The following FAM20C variants were observed in gnomAD, a reference collection of about 807,000 sequenced individuals.
The protein encoded by FAM20C is extracellular serine/threonine protein kinase FAM20C.
Under a neutral mutation model 51.5 loss-of-function variants are expected in FAM20C, and 40 were observed. The observed-to-expected ratio is 0.78, with a 90% CI of 0.60 to 1.01. The LOEUF is 1.01. Among genes scored for constraint, FAM20C ranks in the 50% least tolerant of loss-of-function variants. The pLI is 0.00. For missense variants in FAM20C, 861 were observed against 844.7 expected, an observed-to-expected ratio of 1.02 and a Z score of -0.24; for synonymous variants, 406 against 380.6, an observed-to-expected ratio of 1.07 and a Z score of -0.78.
chr7:214,834 G>C (rs1213837160), intron 3 of FAM20C, among the ~76,000 whole-genome samples: 1 of 152,204 alleles, frequency 6.6e-6, no homozygotes, highest in Non-Finnish European at 1.5e-5. Context: ...GTCTTGGAAA[G>C]AAGCTTCCAG....
In FAM20C at chr7:257,981, A is replaced by G. The variant is rs1183264494; in HGVS notation, c.1446-665A>G. Reference sequence around the variant, plus strand: ...ACTGCCTGAGGTGCTGGAGATAGGCAGTGTGGACCCACTGCCTGGGGTGCT... The same window carrying G: ...ACTGCCTGAGGTGCTGGAGATAGGCGGTGTGGACCCACTGCCTGGGGTGCT... On this transcript the variant is annotated intron_variant, in intron 8 of 9. Coordinates refer to ENST00000313766, the MANE Select transcript of FAM20C (RefSeq NM_020223.4). Among the ~76,000 whole-genome samples the G allele has an allele frequency of 1.0e-3, 60 of 59,102 alleles. 6 individuals carry two copies. The highest frequency in any genetic ancestry group is 2.8e-3 in the East Asian group (6 of 2,132). The allele number at this position is 59,102 out of a possible 152,430, so 38.8% of individuals were successfully genotyped here.
Position 255,830 on chromosome 7 carries a change from G to T in FAM20C, c.1073-19G>T. 6.5e-7 allele frequency: 1 copy of T among 1,536,086 alleles called. No individual in the cohort carries two copies. The highest frequency in any genetic ancestry group is 1.2e-5 in the South Asian group (1 of 84,058). On this transcript the variant is annotated intron_variant, in intron 5 of 9. Transcript: ENST00000313766. ...CAGCCCTGTGCGGCCCTGGTAACCCGCAGCCTGTCCCTCCCCAGCCAACAA... is the reference window on the plus strand; with the variant it reads ...CAGCCCTGTGCGGCCCTGGTAACCCTCAGCCTGTCCCTCCCCAGCCAACAA...
intron 3 of FAM20C, among the ~76,000 whole-genome samples, chr7:223,972 G>A (rs971167470): frequency 4.6e-5 from 7 of 152,214 alleles, no homozygotes; most frequent in Non-Finnish European, 7.4e-5. Flanking sequence ...CCCCAGGACC[G>A]TCCTGTGTCT....
chr7:256,352 G>A (rs1046542698), intron 6 of FAM20C: 17 of 566,650 alleles, frequency 3.0e-5, no homozygotes, highest in African/African-American at 5.6e-5. Context: ...TGTTCTTTCC[G>A]CCCCACGTTG....
intron 5 of FAM20C, among the ~76,000 whole-genome samples, chr7:249,282 G>A (rs1788302662): frequency 6.6e-6 from 1 of 152,246 alleles, no homozygotes; most frequent in South Asian, 2.1e-4. Context: ...CAGGCCCCTG[G>A]TCCCTGGTGC....
intron 3 of FAM20C, among the ~76,000 whole-genome samples, chr7:226,462 G>C (rs898529553): frequency 2.6e-5 from 4 of 152,300 alleles, no homozygotes; most frequent in African/African-American, 4.8e-5. Flanking sequence ...AGCCAAGGAC[G>C]AGGGCCCAAG....
At chr7:256,221 T>G (rs1788585023) in intron 6 of FAM20C, 192 bp downstream of exon 6, 1 of 745,564 alleles carries the variant, frequency 1.3e-6, no homozygotes, top group Non-Finnish European at 2.1e-6. Context: ...CTCCAGTATT[T>G]CCATGTGCTT....
intron 3 of FAM20C, chr7:227,786 G>A (rs966548138): frequency 1.3e-5 from 2 of 152,280 alleles, no homozygotes; most frequent in African/African-American, 4.8e-5. Context: ...TTCCCCGTTT[G>A]CTTTTGAAAT....
chr7:256,039 G>A lies in FAM20C; in HGVS notation c.1253+10G>A. ...AGCGCAAGAAGGCCGAGTGAGTGCG[G>A]GGCCGGGGGGCTGGCGTCCGGCCAC... On this transcript the variant is annotated intron_variant, in intron 6 of 9. Transcript: ENST00000313766. 6.5e-7 allele frequency: 1 copy of A among 1,532,642 alleles called. No individual in the cohort carries two copies. Among genetic ancestry groups the A allele is most frequent in the Non-Finnish European group, 8.7e-7 (1 of 1,145,066 alleles). The allele number at this position is 1,532,642 out of a possible 1,614,324, so 94.9% of individuals were successfully genotyped here.
At chr7:202,631 G>A (rs1224397709) in intron 2 of FAM20C, among the ~76,000 whole-genome samples, 1 of 147,266 alleles carries the variant, frequency 6.8e-6, no homozygotes, top group African/African-American at 2.5e-5. Flanking sequence ...TGCATAGAGA[G>A]AATGGGTGGC....
intron 2 of FAM20C, chr7:197,218 C>T (rs1195458892): frequency 6.0e-6 from 1 of 167,014 alleles, no homozygotes; most frequent in African/African-American, 2.4e-5. Flanking sequence ...AGATCTGCTG[C>T]CTCTGTGGAC....
chr7:241,754 T>C (rs993202091), intron 3 of FAM20C, among the ~76,000 whole-genome samples: 13 of 152,044 alleles, frequency 8.6e-5, no homozygotes, highest in Non-Finnish European at 1.9e-4. Context: ...TTTCTGAGTG[T>C]GCAGGTGGGT....
chr7:255,803 C>T lies in FAM20C; in HGVS notation c.1073-46C>T, dbSNP rs146970461. 8.2e-3 allele frequency: 12,596 copies of T among 1,533,594 alleles called. 526 individuals carry two copies. In the African/African-American group the frequency reaches 0.11, roughly 13 times the overall value. The allele number at this position is 1,533,594 out of a possible 1,614,324, so 95.0% of individuals were successfully genotyped here. On this transcript the variant is annotated intron_variant, in intron 5 of 9. Coordinates refer to ENST00000313766, the MANE Select transcript of FAM20C (RefSeq NM_020223.4). Reference sequence around the variant, plus strand: ...GGGGCCGTGAGACCACAGGTGAGGACGCAGCCCTGTGCGGCCCTGGTAACC... The same window carrying T: ...GGGGCCGTGAGACCACAGGTGAGGATGCAGCCCTGTGCGGCCCTGGTAACC...
chr7:256,018 C>CA lies in FAM20C; in HGVS notation c.1244dup (p.Lys416GlufsTer9), dbSNP rs1482646705. 8 of 1,535,690 alleles carry CA rather than the reference C, an allele frequency of 5.2e-6. No individual in the cohort carries two copies. The highest frequency in any genetic ancestry group is 2.0e-5 in the Admixed American group (1 of 50,946). ...CTTGGCGGCGTTCCTACCACAAGCG[C>CA]AAGAAGGCCGAGTGAGTGCGGGGCC... is the stretch of plus-strand genomic sequence containing the variant. On this transcript the variant is annotated frameshift_variant, in exon 6 of 10. Transcript: ENST00000313766. LOFTEE classifies it high-confidence loss of function.
intron 2 of FAM20C, among the ~76,000 whole-genome samples, chr7:201,215 AG>A (rs1214429234): frequency 2.0e-5 from 3 of 152,172 alleles, no homozygotes. Flanking sequence ...TGTGAAGAGC[AG>A]GGGGACCGCC....
At chr7:252,564 C>G (rs1482564159) in intron 5 of FAM20C, among the ~76,000 whole-genome samples, 1 of 152,204 alleles carries the variant, frequency 6.6e-6, no homozygotes, top group Non-Finnish European at 1.5e-5. Context: ...ACTGCAGACA[C>G]CCCCTCGGCC....
At chr7:232,713 C>G (rs1787737212) in intron 3 of FAM20C, among the ~76,000 whole-genome samples, 1 of 152,256 alleles carries the variant, frequency 6.6e-6, no homozygotes, top group Admixed American at 6.5e-5. Context: ...GTGGTCCTAA[C>G]AGCAGTTGGA....
At position 258,548 on chromosome 7, in the gene FAM20C, G is replaced by A. The variant is rs146387700; in HGVS notation, c.1446-98G>A. The A allele has an allele frequency of 0.026, 32,668 of 1,234,684 alleles. 651 individuals are homozygous for A. Among genetic ancestry groups the A allele is most frequent in the Middle Eastern group, 0.042 (224 of 5,314 alleles). The allele number at this position is 1,234,684 out of a possible 1,614,324, so 76.5% of individuals were successfully genotyped here. A position where few individuals can be genotyped will look rare whatever the true frequency, so the allele number is the denominator to read the frequency against. ...GGGTGGACCCACTGCCTGGGGTGTC[G>A]GGTACAGGCAGGTGGACCCATGGCC... On this transcript the variant is annotated intron_variant, in intron 8 of 9. Transcript: ENST00000313766.
At chr7:222,750 G>A (rs1423684065) in intron 3 of FAM20C, among the ~76,000 whole-genome samples, 2 of 152,196 alleles carry the variant, frequency 1.3e-5, no homozygotes, top group Admixed American at 6.5e-5. Context: ...GGGTGGGCAT[G>A]AGCATGTGCT....
Sources: allele counts gnomAD v4.1 joint callset (sites outside exome capture counted in the v4.1 genomes callset), GRCh38; gene constraint gnomAD v4.1.1; transcripts MANE v1.5; gene names NCBI Gene and HGNC (gene_info 2026-07-23, HGNC 2026-07-21).